Variants in PMP22 observed in about 807,000 individuals in gnomAD.
The protein encoded by PMP22 is peripheral myelin protein 22.
In PMP22, 2 loss-of-function variants were observed where a neutral mutation model predicts 18.9. The observed-to-expected ratio is 0.11, with a 90% CI of 0.04 to 0.33. The LOEUF (loss-of-function observed/expected upper bound fraction) is 0.33. Ranked by LOEUF, PMP22 falls within the 10% of genes least tolerant of loss-of-function variation. The probability of loss-of-function intolerance (pLI) is 1.00; values close to 1 mark genes in which losing one functional copy is unlikely to be tolerated. For missense variants in PMP22, 169 were observed against 202.2 expected, an observed-to-expected ratio of 0.84 and a Z score of 1.00; for synonymous variants, 95 against 89.2, an observed-to-expected ratio of 1.07 and a Z score of -0.37.
chr17:15,251,868 A>G (rs1908383792), intron 3 of PMP22, among the ~76,000 whole-genome samples: 1 of 152,034 alleles, frequency 6.6e-6, no homozygotes, highest in Admixed American at 6.5e-5. Context: ...TTTAAAGCAA[A>G]GACTATAGAT....
At chr17:15,252,399 C>T (rs1026862637) in intron 3 of PMP22, among the ~76,000 whole-genome samples, 3 of 16,834 alleles carry the variant, frequency 1.8e-4, no homozygotes, top group African/African-American at 7.9e-4. Context: ...TTTGCTGTTG[C>T]TGCTGCTGCT....
intron 3 of PMP22, among the ~76,000 whole-genome samples, chr17:15,246,240 G>A (rs185949909): frequency 6.6e-6 from 1 of 152,294 alleles, no homozygotes; most frequent in African/African-American, 2.4e-5. Flanking sequence ...GGCTTTGCAG[G>A]TCATACGGTC....
chr17:15,256,864 T>C (rs1360082860), intron 3 of PMP22, among the ~76,000 whole-genome samples: 1 of 152,222 alleles, frequency 6.6e-6, no homozygotes, highest in Non-Finnish European at 1.5e-5. Context: ...CACTTAAGGC[T>C]GAAGTCGTAG....
chr17:15,246,589 G>A (rs766179341), intron 3 of PMP22, among the ~76,000 whole-genome samples: 10 of 152,190 alleles, frequency 6.6e-5, no homozygotes, highest in East Asian at 1.9e-4. Context: ...CCAGTGTGGC[G>A]ATACTCTTCC....
chr17:15,234,806 C>G (rs570032269), intron 4 of PMP22, among the ~76,000 whole-genome samples: 20 of 150,880 alleles, frequency 1.3e-4, no homozygotes, highest in Non-Finnish European at 2.7e-4. Context: ...CCCCCCCCAC[C>G]AAATTCTTTT....
At chr17:15,236,208 C>T (rs1046741597) in intron 4 of PMP22, among the ~76,000 whole-genome samples, 3 of 152,152 alleles carry the variant, frequency 2.0e-5, no homozygotes, top group East Asian at 1.9e-4. Context: ...TCCTAACTGT[C>T]AGCCTTGTGG....
chr17:15,256,440 G>A (rs964347479), intron 3 of PMP22, among the ~76,000 whole-genome samples: 1 of 152,038 alleles, frequency 6.6e-6, no homozygotes, highest in Non-Finnish European at 1.5e-5. Context: ...TCAGGAGTTC[G>A]AGACCAGCCT....
chr17:15,231,115 A>T, intron 4 of PMP22, 35 bp from the exon 5 acceptor site: 1 of 1,610,458 alleles, frequency 6.2e-7, no homozygotes, highest in East Asian at 2.2e-5. Flanking sequence ...GGTGACGGAG[A>T]GTCCATGGCA....
intron 1 of PMP22, among the ~76,000 whole-genome samples, chr17:15,263,321 C>T (rs1165540172): frequency 2.0e-5 from 3 of 152,130 alleles, no homozygotes; most frequent in Admixed American, 1.3e-4. Context: ...GGAGTCCTGG[C>T]CATGGGGTTT....
At chr17:15,249,771 C>T (rs1380589746) in intron 3 of PMP22, among the ~76,000 whole-genome samples, 1 of 152,118 alleles carries the variant, frequency 6.6e-6, no homozygotes, top group Non-Finnish European at 1.5e-5. Flanking sequence ...GGTCACCCTG[C>T]AGTCATTGTC....
At chr17:15,250,235 G>C (rs1908217855) in intron 3 of PMP22, among the ~76,000 whole-genome samples, 1 of 152,090 alleles carries the variant, frequency 6.6e-6, no homozygotes, top group Non-Finnish European at 1.5e-5. Context: ...TTTCTTAAGT[G>C]ACAATATCTC....
intron 4 of PMP22, among the ~76,000 whole-genome samples, chr17:15,237,156 T>G (rs1007621832): frequency 6.6e-6 from 1 of 152,108 alleles, no homozygotes; most frequent in Non-Finnish European, 1.5e-5. Context: ...AGAATGAAAA[T>G]AGTGAAGCAA....
chr17:15,247,306 T>C (rs1191762216), intron 3 of PMP22, among the ~76,000 whole-genome samples: 2 of 147,276 alleles, frequency 1.4e-5, no homozygotes, highest in Non-Finnish European at 3.0e-5. Flanking sequence ...GAGGTGGAGC[T>C]TGCAGTGAGC....
intron 3 of PMP22, among the ~76,000 whole-genome samples, chr17:15,243,007 T>C (rs1167358217): frequency 6.6e-6 from 1 of 152,186 alleles, no homozygotes; most frequent in Non-Finnish European, 1.5e-5. Flanking sequence ...GAGAGCCACA[T>C]GGCACACCTG....
Position 15,230,254 on chromosome 17 carries a change from T to C in PMP22, c.*663A>G, listed in dbSNP as rs1906186559. ...TCCATAGCACCATTTCAAAGACTTGTTGTCACTGATTTCTCATTTAGATGT... is the reference window on the plus strand; with the variant it reads ...TCCATAGCACCATTTCAAAGACTTGCTGTCACTGATTTCTCATTTAGATGT... On this transcript the variant is annotated 3_prime_UTR_variant, in exon 5 of 5. Coordinates refer to ENST00000312280, the MANE Select transcript of PMP22 (RefSeq NM_000304.4). 1 of 153,872 alleles carries C rather than the reference T, an allele frequency of 6.5e-6. No homozygotes were observed. Among genetic ancestry groups the C allele is most frequent in the South Asian group, 2.0e-4 (1 of 4,894 alleles). The allele number at this position is 153,872 out of a possible 1,614,324, so 9.5% of individuals were successfully genotyped here.
chr17:15,235,364 T>C (rs1386388160), intron 4 of PMP22: 1 of 716,588 alleles, frequency 1.4e-6, no homozygotes, highest in Non-Finnish European at 2.6e-6. Flanking sequence ...CACATGGAGC[T>C]TGATGCTGGG....
intron 3 of PMP22, among the ~76,000 whole-genome samples, chr17:15,244,249 A>G (rs1271162746): frequency 6.6e-6 from 1 of 152,166 alleles, no homozygotes; most frequent in Non-Finnish European, 1.5e-5. Context: ...GCCAATAGGC[A>G]AAATTCAAAA....
intron 4 of PMP22, among the ~76,000 whole-genome samples, chr17:15,237,932 G>T (rs1278256196): frequency 1.3e-5 from 2 of 151,744 alleles, no homozygotes; most frequent in Non-Finnish European, 2.9e-5. Flanking sequence ...ATATTATCTT[G>T]AGGGCATATC....
chr17:15,260,869 G>A, intron 1 of PMP22, 108 bp from the exon 2 acceptor site: 2 of 772,724 alleles, frequency 2.6e-6, no homozygotes, highest in East Asian at 2.9e-5. Context: ...CTGGCCCAGC[G>A]CCCGCAGCCC....
Sources: gnomAD v4.1 joint callset for allele counts (sites outside exome capture counted in the v4.1 genomes callset) on GRCh38, gnomAD v4.1.1 for gene constraint, MANE v1.5 for transcripts, NCBI Gene and HGNC (gene_info 2026-07-23, HGNC 2026-07-21) for gene names.